Variants in DLGAP2 observed in about 807,000 individuals in gnomAD.
The protein encoded by DLGAP2 is disks large-associated protein 2.
DLGAP2 carries 26 observed loss-of-function variants against 100.3 expected under a neutral mutation model. The observed-to-expected ratio is 0.26, with a 90% CI of 0.19 to 0.36. The LOEUF (loss-of-function observed/expected upper bound fraction) is 0.36, where lower values mean the gene tolerates loss of function less well. DLGAP2 is among the 10% of genes least tolerant of loss of function. DLGAP2 has a pLI of 1.00. For missense variants in DLGAP2, 1,858 were observed against 1,453.2 expected, an observed-to-expected ratio of 1.28 and a Z score of -4.53; for synonymous variants, 886 against 630.1, an observed-to-expected ratio of 1.41 and a Z score of -6.08.
intron 3 of DLGAP2, among the ~76,000 whole-genome samples, chr8:1,425,623 A>G (rs543571345): frequency 1.3e-5 from 2 of 152,306 alleles, no homozygotes; most frequent in East Asian, 3.9e-4. Context: ...CATGATCCAC[A>G]TGGTCTTCCA....
intron 3 of DLGAP2, among the ~76,000 whole-genome samples, chr8:1,324,466 C>T (rs1034083407): frequency 2.6e-5 from 4 of 152,192 alleles, no homozygotes; most frequent in African/African-American, 9.7e-5. Context: ...CCACAGCGTT[C>T]AAGCGACATG....
intron 12 of DLGAP2, among the ~76,000 whole-genome samples, chr8:1,687,980 C>G (rs1318675059): frequency 1.3e-5 from 2 of 152,170 alleles, no homozygotes; most frequent in Non-Finnish European, 2.9e-5. Flanking sequence ...GATTCCTCCC[C>G]TCGTCATCAG....
chr8:1,429,972 G>T (rs1797365358), intron 3 of DLGAP2, among the ~76,000 whole-genome samples: 1 of 85,120 alleles, frequency 1.2e-5, no homozygotes, highest in Non-Finnish European at 2.5e-5. Context: ...TCATCCTGCA[G>T]AATGAAAGCA....
At chr8:1,237,472 C>G (rs1414272836) in intron 2 of DLGAP2, among the ~76,000 whole-genome samples, 1 of 146,332 alleles carries the variant, frequency 6.8e-6, no homozygotes, top group African/African-American at 2.6e-5. Flanking sequence ...TCACATGGTG[C>G]CGTGTCTAGT....
chr8:1,652,397 T>A (rs547619014), intron 8 of DLGAP2, among the ~76,000 whole-genome samples: 1 of 152,192 alleles, frequency 6.6e-6, no homozygotes, highest in Non-Finnish European at 1.5e-5. Context: ...GAACAGTGCT[T>A]GGCACATAGT....
At chr8:1,324,042 T>C (rs1333408725) in intron 3 of DLGAP2, among the ~76,000 whole-genome samples, 1 of 152,232 alleles carries the variant, frequency 6.6e-6, no homozygotes, top group Non-Finnish European at 1.5e-5. Context: ...GCGTCTGGTC[T>C]GCTGTGATAT....
intron 3 of DLGAP2, among the ~76,000 whole-genome samples, chr8:1,321,450 T>C (rs531840159): frequency 1.3e-5 from 2 of 152,186 alleles, no homozygotes; most frequent in Non-Finnish European, 2.9e-5. Context: ...CGTCTCTGCA[T>C]GTGTGCGTGC....
chr8:1,574,052 A>G (rs536406823), intron 6 of DLGAP2, among the ~76,000 whole-genome samples: 3 of 152,284 alleles, frequency 2.0e-5, no homozygotes, highest in African/African-American at 7.2e-5. Context: ...TGAGGGGTCC[A>G]CCCTAGAGCA....
chr8:1,240,968 G>A (rs1427058284), intron 2 of DLGAP2, among the ~76,000 whole-genome samples: 4 of 8,426 alleles, frequency 4.7e-4, no homozygotes, highest in South Asian at 3.4e-3. Context: ...CTTACATGGC[G>A]CCGTGTCTAG....
chr8:1,520,562 A>G lies in DLGAP2; in HGVS notation c.172+19131A>G, dbSNP rs882120. Reference sequence around the variant, plus strand: ...TCACACAGAGCAGTTTCCTTGCCCTAAAAATCCTGCGTGCTCCCCCTATTC... The same window carrying G: ...TCACACAGAGCAGTTTCCTTGCCCTGAAAATCCTGCGTGCTCCCCCTATTC... On this transcript the variant is annotated intron_variant, in intron 4 of 14. Coordinates refer to ENST00000637795, the MANE Select transcript of DLGAP2 (RefSeq NM_001346810.2). Among the ~76,000 whole-genome samples the G allele has an allele frequency of 2.7e-3, 406 of 152,234 alleles. 1 individual carries two copies. Among genetic ancestry groups the G allele is most frequent in the African/African-American group, 9.4e-3 (390 of 41,524 alleles).
At chr8:915,005 A>G (rs890567786) in intron 2 of DLGAP2, among the ~76,000 whole-genome samples, 1 of 152,158 alleles carries the variant, frequency 6.6e-6, no homozygotes, top group African/African-American at 2.4e-5. Flanking sequence ...ACTCTCCACC[A>G]TCCTGTAACT....
intron 2 of DLGAP2, among the ~76,000 whole-genome samples, chr8:1,226,225 G>A (rs1221034227): frequency 3.9e-5 from 6 of 152,048 alleles, no homozygotes; most frequent in Admixed American, 6.6e-5. Flanking sequence ...CAGAATCAAC[G>A]CAAATGTCCA....
chr8:1,433,140 C>A (rs1797505226), intron 3 of DLGAP2, among the ~76,000 whole-genome samples: 1 of 152,200 alleles, frequency 6.6e-6, no homozygotes, highest in African/African-American at 2.4e-5. Flanking sequence ...GGGGAGGAAG[C>A]CCCCGCCATG....
chr8:1,169,186 G>A (rs532325661), intron 2 of DLGAP2, among the ~76,000 whole-genome samples: 132 of 152,078 alleles, frequency 8.7e-4, no homozygotes, highest in African/African-American at 3.0e-3. Flanking sequence ...AAGATCAGAT[G>A]GTTGTAGATA....
chr8:1,594,519 A>G (rs147756339), intron 6 of DLGAP2, among the ~76,000 whole-genome samples: 2 of 152,286 alleles, frequency 1.3e-5, no homozygotes, highest in African/African-American at 2.4e-5. Flanking sequence ...CTCAAAGACA[A>G]CATCGTTACA....
intron 3 of DLGAP2, among the ~76,000 whole-genome samples, chr8:1,290,336 ATATGAT>A (rs1800030907): frequency 6.6e-6 from 1 of 152,220 alleles, no homozygotes; most frequent in Admixed American, 6.5e-5. Flanking sequence ...TGCAGTTTGC[ATATGAT>A]GGTCCCGCTT....
At chr8:1,321,203 C>A (rs778327328) in intron 3 of DLGAP2, among the ~76,000 whole-genome samples, 3 of 150,984 alleles carry the variant, frequency 2.0e-5, no homozygotes, top group Non-Finnish European at 4.4e-5. Context: ...GCACGTGCAT[C>A]CATGTGCCTC....
intron 5 of DLGAP2, among the ~76,000 whole-genome samples, chr8:1,553,282 C>G (rs952390108): frequency 3.9e-5 from 6 of 152,214 alleles, no homozygotes; most frequent in Non-Finnish European, 8.8e-5. Flanking sequence ...CTAGTGTCTT[C>G]CCCACCTGGC....
At chr8:842,873 C>CT (rs1317096074) in intron 1 of DLGAP2, among the ~76,000 whole-genome samples, 1 of 152,118 alleles carries the variant, frequency 6.6e-6, no homozygotes, top group African/African-American at 2.4e-5. Context: ...GTTGCTTCAG[C>CT]TTTAAGTTTT....
Sources: gnomAD v4.1 joint callset for allele counts (sites outside exome capture counted in the v4.1 genomes callset) on GRCh38, gnomAD v4.1.1 for gene constraint, MANE v1.5 for transcripts, NCBI Gene and HGNC (gene_info 2026-07-23, HGNC 2026-07-21) for gene names.